Variants in PDZD8 observed in about 807,000 individuals in gnomAD.
The protein encoded by PDZD8 is PDZ domain-containing protein 8.
PDZD8 carries 14 observed loss-of-function variants against 85.8 expected under a neutral mutation model. That is an observed-to-expected ratio of 0.16 (90% CI 0.11 to 0.26). The LOEUF (loss-of-function observed/expected upper bound fraction) is 0.26, where lower values mean the gene tolerates loss of function less well. PDZD8 is among the 10% of genes least tolerant of loss of function. The probability of loss-of-function intolerance (pLI) is 1.00; values close to 1 mark genes in which losing one functional copy is unlikely to be tolerated. For synonymous variants in PDZD8, 592 were observed against 568.6 expected (o/e 1.04, Z -0.59); for missense variants, 1,197 against 1,424.3 (o/e 0.84, Z 2.57).
intron 1 of PDZD8, among the ~76,000 whole-genome samples, chr10:117,342,285 T>C (rs1335564093): frequency 6.6e-6 from 1 of 152,040 alleles, no homozygotes; most frequent in African/African-American, 2.4e-5. Flanking sequence ...TGAAAGAAAA[T>C]TGGGCTTAAA....
chr10:117,327,172 T>C (rs565038092), intron 2 of PDZD8, among the ~76,000 whole-genome samples: 1 of 152,316 alleles, frequency 6.6e-6, no homozygotes, highest in African/African-American at 2.4e-5. Context: ...GAATGGCATG[T>C]TGAAACTGGC....
chr10:117,279,043 C>T lies in PDZD8; in HGVS notation c.*4225G>A, dbSNP rs1445598415. The T allele has an allele frequency of 6.6e-6, 1 of 152,186 alleles. No homozygotes were observed. Among genetic ancestry groups the T allele is most frequent in the Non-Finnish European group, 1.5e-5 (1 of 68,044 alleles). 9.4% of individuals were successfully genotyped at this position (152,186 alleles called of 1,614,324 possible). A position where few individuals can be genotyped will look rare whatever the true frequency, so the allele number is the denominator to read the frequency against. On this transcript the variant is annotated 3_prime_UTR_variant, in exon 5 of 5. Transcript: ENST00000334464. The stretch of plus-strand genomic sequence containing the variant: ...TGCAATTTTATTTTTGCCTTTACGG[C>T]TCTGTGTCTTTCTGCAAGAAGGCCT...
intron 2 of PDZD8, among the ~76,000 whole-genome samples, chr10:117,337,562 C>G (rs565748477): frequency 1.9e-4 from 29 of 152,280 alleles, no homozygotes; most frequent in African/African-American, 7.0e-4. Flanking sequence ...TAGGAAAGAA[C>G]CTCCCTTTAC....
intron 3 of PDZD8, chr10:117,314,136 C>T (rs950940754): frequency 6.6e-6 from 1 of 152,112 alleles, no homozygotes; most frequent in Non-Finnish European, 1.5e-5. Context: ...ATATGTTAGA[C>T]ATTTTGTTTG....
intron 4 of PDZD8, 83 bp from the exon 5 acceptor site, chr10:117,285,554 T>C (rs960355092): frequency 3.2e-6 from 4 of 1,237,674 alleles, no homozygotes; most frequent in East Asian, 2.7e-5. Context: ...TAATTAAATA[T>C]ATATAATTGC....
At chr10:117,311,388 G>T (rs1242824663) in intron 3 of PDZD8, among the ~76,000 whole-genome samples, 1 of 152,164 alleles carries the variant, frequency 6.6e-6, no homozygotes, top group Admixed American at 6.5e-5. Context: ...AACTTTGAAG[G>T]TCTGGAAGAA....
At chr10:117,313,070 C>T (rs1844065355) in intron 3 of PDZD8, among the ~76,000 whole-genome samples, 1 of 152,110 alleles carries the variant, frequency 6.6e-6, no homozygotes, top group African/African-American at 2.4e-5. Context: ...ACATACTTGT[C>T]CTGAGAGTTC....
intron 3 of PDZD8, among the ~76,000 whole-genome samples, chr10:117,305,280 T>C (rs905796721): frequency 2.6e-5 from 4 of 151,830 alleles, no homozygotes; most frequent in Non-Finnish European, 4.4e-5. Context: ...AGCATGGTAG[T>C]GCGTGCCAGT....
chr10:117,349,832 A>C (rs1844773096), intron 1 of PDZD8, among the ~76,000 whole-genome samples: 1 of 152,078 alleles, frequency 6.6e-6, no homozygotes, highest in South Asian at 2.1e-4. Context: ...AATAAAAATA[A>C]ATAAAGATGT....
intron 2 of PDZD8, among the ~76,000 whole-genome samples, chr10:117,333,128 A>AAAAAAAAAC (rs1564703003): frequency 7.7e-5 from 11 of 142,826 alleles, no homozygotes; most frequent in Admixed American, 2.0e-4. Context: ...AAAAAAAAAA[A>AAAAAAAAAC]AAAAAAAAAA....
At chr10:117,311,568 C>T (rs1173189073) in intron 3 of PDZD8, among the ~76,000 whole-genome samples, 2 of 152,184 alleles carry the variant, frequency 1.3e-5, no homozygotes, top group East Asian at 1.9e-4. Context: ...ATCATAGAAA[C>T]ATAAATGCGA....
intron 2 of PDZD8, among the ~76,000 whole-genome samples, chr10:117,327,617 C>T (rs1302648510): frequency 2.6e-5 from 4 of 152,090 alleles, no homozygotes; most frequent in Non-Finnish European, 5.9e-5. Flanking sequence ...AGTTTTCATT[C>T]TATTTGCAGA....
Position 117,375,116 on chromosome 10 carries a change from C to A in PDZD8, c.112G>T (p.Ala38Ser). ...CGGAAGCCCTCGCCCGCGCGGGCGG[C>A]CTCGTCCGCCGGCGGCTCGGGCTGT... ...RRQPEPPADE[A>S]ARAGEGFRYI... is the part of the protein sequence containing the mutation. The change falls in exon 1 of 5, where the codon GCC (alanine) becomes TCC (serine). Residue 38 changes from alanine (A) to serine (S), a missense_variant. By Grantham distance (99) the Ala-to-Ser change is moderately conservative. Transcript: ENST00000334464. The A allele has an allele frequency of 6.3e-7, 1 of 1,593,410 alleles. No individual in the cohort carries two copies. The highest frequency in any genetic ancestry group is 8.5e-7 in the Non-Finnish European group (1 of 1,175,486).
In PDZD8 at chr10:117,290,451, T is replaced by G. The variant is rs1002550447; in HGVS notation, c.1099-103A>C. On this transcript the variant is annotated intron_variant, in intron 3 of 4. Coordinates refer to ENST00000334464, the MANE Select transcript of PDZD8 (RefSeq NM_173791.5). Reference sequence around the variant, plus strand: ...TATGTGCAGAGAGCACCATGGCTGATGCTGACTTTTCTATCATGGCAAATA... The same window carrying G: ...TATGTGCAGAGAGCACCATGGCTGAGGCTGACTTTTCTATCATGGCAAATA... 27 of 787,484 alleles carry G rather than the reference T, an allele frequency of 3.4e-5. No homozygotes were observed. The African/African-American group carries it at 4.1e-4, about 12-fold the overall frequency. 48.8% of individuals were successfully genotyped at this position (787,484 alleles called of 1,614,324 possible).
At chr10:117,286,467 C>T (rs547293408) in intron 4 of PDZD8, among the ~76,000 whole-genome samples, 1 of 152,336 alleles carries the variant, frequency 6.6e-6, no homozygotes, top group South Asian at 2.1e-4. Flanking sequence ...AGTAACACCA[C>T]CCCTTTCTCA....
chr10:117,326,347 C>T (rs1355296324), intron 2 of PDZD8, among the ~76,000 whole-genome samples: 3 of 152,180 alleles, frequency 2.0e-5, no homozygotes, highest in African/African-American at 7.2e-5. Context: ...CAGCAAATCA[C>T]CCTATGCCAT....
intron 3 of PDZD8, among the ~76,000 whole-genome samples, chr10:117,317,043 C>T (rs553509751): frequency 5.3e-5 from 8 of 152,194 alleles, no homozygotes; most frequent in South Asian, 2.1e-4. Context: ...TCCATGCTAA[C>T]GAAGATGAAG....
chr10:117,360,854 G>A (rs916469904), intron 1 of PDZD8, among the ~76,000 whole-genome samples: 1 of 151,874 alleles, frequency 6.6e-6, no homozygotes, highest in Non-Finnish European at 1.5e-5. Flanking sequence ...ATAAACTTCA[G>A]GTCAGACTAG....
rs528908901 is a variant in PDZD8, at chr10:117,371,105, T to TA, written c.872+3250dup. On this transcript the variant is annotated intron_variant, in intron 1 of 4. Transcript: ENST00000334464. ...TTAATTTTCCCTGTGAGAAGTATGCTATATCTTAGATGTATTGTAATTCAT... is the reference window on the plus strand; with the variant it reads ...TTAATTTTCCCTGTGAGAAGTATGCTAATATCTTAGATGTATTGTAATTCAT... Among the ~76,000 whole-genome samples the TA allele has an allele frequency of 3.3e-5, 5 of 152,348 alleles. No homozygotes were observed. The South Asian group carries it at 1.0e-3, about 32-fold the overall frequency.
Sources: gnomAD v4.1 joint callset for allele counts (sites outside exome capture counted in the v4.1 genomes callset) on GRCh38, gnomAD v4.1.1 for gene constraint, MANE v1.5 for transcripts, NCBI Gene and HGNC (gene_info 2026-07-23, HGNC 2026-07-21) for gene names.